The following SPATS2L variants were observed in gnomAD, a reference collection of about 807,000 sequenced individuals.
The protein encoded by SPATS2L is SPATS2-like protein.
SPATS2L carries 30 observed loss-of-function variants against 59.6 expected under a neutral mutation model. The observed-to-expected ratio is 0.50, with a 90% CI of 0.38 to 0.68. The LOEUF is 0.68. SPATS2L is among the 30% of genes least tolerant of loss of function. SPATS2L has a pLI of 0.00. For missense variants in SPATS2L, 615 were observed against 700.0 expected (o/e 0.88, Z 1.37); for synonymous variants, 252 against 263.5 (o/e 0.96, Z 0.42).
intron 2 of SPATS2L, among the ~76,000 whole-genome samples, chr2:200,354,207 AG>A (rs35282299): frequency 2.0e-5 from 3 of 152,216 alleles, no homozygotes; most frequent in Admixed American, 2.0e-4. Context: ...CTGAATAGAA[AG>A]GGGTGTTGAT....
intron 2 of SPATS2L, among the ~76,000 whole-genome samples, chr2:200,335,068 A>G (rs1438769622): frequency 6.6e-6 from 1 of 152,108 alleles, no homozygotes; most frequent in African/African-American, 2.4e-5. Context: ...TGGTAGCTTG[A>G]TGGGGATGGC....
chr2:200,403,258 T>C lies in SPATS2L; in HGVS notation c.40-9053T>C, dbSNP rs541550285. ...CTTCTGGAGCAATGTGCTTCTCTTA[T>C]AGCAACATATTTTAACAGGATATGC... On this transcript the variant is annotated intron_variant, in intron 3 of 12. Coordinates refer to ENST00000409140, the MANE Select transcript of SPATS2L (RefSeq NM_001100423.2). 1.1e-4 allele frequency among the ~76,000 whole-genome samples: 16 copies of C among 152,314 alleles called. No homozygotes were observed. In the South Asian group the frequency reaches 2.3e-3, roughly 22 times the overall value.
At chr2:200,333,132 AC>A (rs2080009806) in intron 2 of SPATS2L, among the ~76,000 whole-genome samples, 1 of 151,628 alleles carries the variant, frequency 6.6e-6, no homozygotes, top group Admixed American at 6.6e-5. Flanking sequence ...CAAAAAAAAA[AC>A]ACCTTAGCTG....
intron 2 of SPATS2L, among the ~76,000 whole-genome samples, chr2:200,335,357 G>A (rs1025962437): frequency 1.3e-5 from 2 of 149,852 alleles, no homozygotes; most frequent in East Asian, 2.0e-4. Flanking sequence ...TGGCCTGGGC[G>A]ACAGAGCAAA....
intron 2 of SPATS2L, among the ~76,000 whole-genome samples, chr2:200,386,543 A>G (rs544284713): frequency 4.6e-5 from 7 of 152,330 alleles, no homozygotes; most frequent in East Asian, 3.9e-4. Context: ...TCTCTCTTCA[A>G]TGGAATTCCT....
chr2:200,403,006 T>A (rs1226728520), intron 3 of SPATS2L, among the ~76,000 whole-genome samples: 1 of 152,174 alleles, frequency 6.6e-6, no homozygotes, highest in African/African-American at 2.4e-5. Flanking sequence ...GAAAGATGAA[T>A]ATAAAATCCT....
At chr2:200,454,773 G>A (rs970777623) in intron 8 of SPATS2L, among the ~76,000 whole-genome samples, 3 of 152,172 alleles carry the variant, frequency 2.0e-5, no homozygotes, top group Non-Finnish European at 4.4e-5. Context: ...CGGGAACTCT[G>A]TTTATGTAGA....
chr2:200,309,294 C>T (rs535869529), intron 1 of SPATS2L, among the ~76,000 whole-genome samples: 1 of 152,242 alleles, frequency 6.6e-6, no homozygotes, highest in South Asian at 2.1e-4. Context: ...TGAGGTGAGC[C>T]AGGACAAGAA....
At chr2:200,351,523 A>G (rs1051339259) in intron 2 of SPATS2L, among the ~76,000 whole-genome samples, 3 of 152,194 alleles carry the variant, frequency 2.0e-5, no homozygotes, top group African/African-American at 7.2e-5. Flanking sequence ...CTTTTCTCCA[A>G]CACCTGATGT....
In SPATS2L at chr2:200,357,028, T is replaced by TTAAGGGATG. The variant is rs2080940035; in HGVS notation, c.-23+27556_-23+27557insGTAAGGGAT. Among the ~76,000 whole-genome samples, 9 of 152,208 alleles carry TTAAGGGATG rather than the reference T, an allele frequency of 5.9e-5. No homozygotes were observed. The South Asian group carries it at 1.7e-3, about 28-fold the overall frequency. On this transcript the variant is annotated intron_variant, in intron 2 of 12. Transcript: ENST00000409140. Reference sequence around the variant, plus strand: ...GGATTAAGTTTCCAACACATGAACTTTAAGGGATACATTCAAACCATAGCA... The same window carrying TTAAGGGATG: ...GGATTAAGTTTCCAACACATGAACTTTAAGGGATGTAAGGGATACATTCAAACCATAGCA...
rs74781856 is a variant in SPATS2L at position 200,444,058 on chromosome 2, A to G, written c.788+3274A>G. ...GGAATAAAGATGATACAATGCTCTC[A>G]CAATGCATCTTAACAGAAAATAAAT... On this transcript the variant is annotated intron_variant, in intron 8 of 12. Transcript: ENST00000409140. Among the ~76,000 whole-genome samples, 626 of 152,356 alleles carry G rather than the reference A, an allele frequency of 4.1e-3. 7 individuals carry two copies. The highest frequency in any genetic ancestry group is 0.014 in the African/African-American group (595 of 41,590).
intron 2 of SPATS2L, chr2:200,372,194 T>C (rs1372391815): frequency 1.0e-6 from 1 of 985,264 alleles, no homozygotes; most frequent in East Asian, 1.1e-4. Context: ...AAAACAACAT[T>C]GTTTCTCCCT....
intron 9 of SPATS2L, among the ~76,000 whole-genome samples, chr2:200,464,054 G>T (rs2086422206): frequency 6.6e-6 from 1 of 152,210 alleles, no homozygotes; most frequent in Non-Finnish European, 1.5e-5. Context: ...TATTAATTAA[G>T]TCTTGAATGC....
At chr2:200,450,180 T>C (rs1574606763) in intron 8 of SPATS2L, among the ~76,000 whole-genome samples, 1 of 152,256 alleles carries the variant, frequency 6.6e-6, no homozygotes, top group East Asian at 1.9e-4. Context: ...CTAGGGGTTT[T>C]GTGAAAATTC....
At chr2:200,334,294 A>G (rs1033254205) in intron 2 of SPATS2L, among the ~76,000 whole-genome samples, 6 of 152,338 alleles carry the variant, frequency 3.9e-5, no homozygotes, top group Non-Finnish European at 8.8e-5. Flanking sequence ...CATTTTGGCT[A>G]CATAAATGTC....
intron 6 of SPATS2L, among the ~76,000 whole-genome samples, chr2:200,424,076 A>G (rs1035040810): frequency 6.6e-6 from 1 of 152,214 alleles, no homozygotes; most frequent in Non-Finnish European, 1.5e-5. Flanking sequence ...TAAGCCTGAG[A>G]GTAGTTTTTT....
chr2:200,355,515 G>A (rs2080885327), intron 2 of SPATS2L, among the ~76,000 whole-genome samples: 1 of 152,208 alleles, frequency 6.6e-6, no homozygotes, highest in South Asian at 2.1e-4. Context: ...AATCTCATAT[G>A]CATTTAGTGA....
chr2:200,434,018 A>G (rs4674064), intron 6 of SPATS2L, among the ~76,000 whole-genome samples: 49,014 of 151,960 alleles, frequency 0.32, 8,580 homozygotes, highest in South Asian at 0.43. Context: ...AATATTGTTA[A>G]TGAATAAAGA....
chr2:200,438,186 C>T (rs2084432439), intron 6 of SPATS2L, among the ~76,000 whole-genome samples: 1 of 152,160 alleles, frequency 6.6e-6, no homozygotes, highest in South Asian at 2.1e-4. Context: ...TGACTGTGTT[C>T]TGTTTGAGTG....
Sources: allele counts gnomAD v4.1 joint callset (sites outside exome capture counted in the v4.1 genomes callset), GRCh38; gene constraint gnomAD v4.1.1; transcripts MANE v1.5; gene names NCBI Gene and HGNC (gene_info 2026-07-23, HGNC 2026-07-21).